The following CAMTA1 variants were observed in gnomAD, a reference collection of about 807,000 sequenced individuals.
CAMTA1 encodes the protein calmodulin binding transcription activator 1, also known as calmodulin-binding transcription activator 1.
A neutral mutation model predicts 170.9 loss-of-function variants in CAMTA1; 27 were observed. The ratio of observed to expected loss-of-function variants is 0.16; its 90% CI spans 0.12 to 0.22. CAMTA1 has a LOEUF of 0.22. Among genes scored for constraint, CAMTA1 ranks in the 10% least tolerant of loss-of-function variants. CAMTA1 has a pLI of 1.00. For missense variants in CAMTA1, 1,619 were observed against 2,217.2 expected (o/e 0.73, Z 5.42); for synonymous variants, 833 against 891.5 (o/e 0.93, Z 1.17).
chr1:7,258,730 TGC>T (rs1171925949), intron 5 of CAMTA1, among the ~76,000 whole-genome samples: 1 of 152,236 alleles, frequency 6.6e-6, no homozygotes, highest in African/African-American at 2.4e-5. Context: ...TGATCCTCTC[TGC>T]ATCTTTCATT....
intron 5 of CAMTA1, among the ~76,000 whole-genome samples, chr1:7,277,036 C>G (rs6669403): frequency 6.6e-6 from 1 of 152,114 alleles, no homozygotes; most frequent in Non-Finnish European, 1.5e-5. Context: ...ACCCTTAAAA[C>G]TATAACACAT....
At position 7,547,759 on chromosome 1, in the gene CAMTA1, TA is replaced by T. The variant is rs771873735; in HGVS notation, c.510+79860del. The stretch of plus-strand genomic sequence containing the variant: ...AGTGTTAGTATATTTATGTGTGGCC[TA>T]AGAGAATTATTCTTCCAACATAATC... On this transcript the variant is annotated intron_variant, in intron 6 of 22. Transcript: ENST00000303635. The surrounding 1 kb of genome is among the most constrained non-coding windows in gnomAD (Gnocchi z 5.7). 6.6e-6 allele frequency among the ~76,000 whole-genome samples: 1 copy of T among 152,030 alleles called. No individual in the cohort carries two copies. The highest frequency in any genetic ancestry group is 1.5e-5 in the Non-Finnish European group (1 of 68,018).
chr1:7,121,139 A>G (rs1405470806), intron 4 of CAMTA1, among the ~76,000 whole-genome samples: 1 of 152,226 alleles, frequency 6.6e-6, no homozygotes, highest in Non-Finnish European at 1.5e-5. Context: ...AGGATCGAAT[A>G]TGGCATGAAG....
chr1:6,809,726 G>A (rs758803374), intron 1 of CAMTA1, among the ~76,000 whole-genome samples: 4 of 152,110 alleles, frequency 2.6e-5, no homozygotes, highest in Non-Finnish European at 5.9e-5. Flanking sequence ...GCCACCAGAG[G>A]GGAGAGAACC....
At chr1:7,280,288 A>G (rs1017130985) in intron 5 of CAMTA1, among the ~76,000 whole-genome samples, 16 of 152,242 alleles carry the variant, frequency 1.1e-4, no homozygotes, top group African/African-American at 3.6e-4. Flanking sequence ...CCACCAGGGA[A>G]GGAACACTGA....
intron 9 of CAMTA1, among the ~76,000 whole-genome samples, chr1:7,667,474 C>T (rs2096011584): frequency 6.6e-6 from 1 of 152,146 alleles, no homozygotes; most frequent in Admixed American, 6.5e-5. Context: ...ACTCCCAGTC[C>T]TAGGACCTGG....
intron 4 of CAMTA1, among the ~76,000 whole-genome samples, chr1:7,112,149 C>T (rs899571989): frequency 7.9e-5 from 12 of 152,026 alleles, no homozygotes; most frequent in African/African-American, 1.9e-4. Context: ...TCCAGTGGCA[C>T]GTGCATTTGT....
intron 3 of CAMTA1, among the ~76,000 whole-genome samples, chr1:7,040,333 G>A (rs537580065): frequency 2.0e-5 from 3 of 152,246 alleles, no homozygotes; most frequent in South Asian, 4.1e-4. Context: ...GTCTAAACAC[G>A]GCATGCGTGT....
chr1:6,890,118 C>A (rs559365372), intron 3 of CAMTA1, among the ~76,000 whole-genome samples: 1 of 152,210 alleles, frequency 6.6e-6, no homozygotes, highest in Non-Finnish European at 1.5e-5. Flanking sequence ...GACCCAGGAG[C>A]CTTCCGGAGG....
In CAMTA1 at chr1:7,426,299, C is replaced by T. The variant is rs2149338628; in HGVS notation, c.439-41531C>T. On this transcript the variant is annotated intron_variant, in intron 5 of 22. Coordinates refer to ENST00000303635, the MANE Select transcript of CAMTA1 (RefSeq NM_015215.4). This position sits in a 1 kb window ranked among gnomAD's most constrained non-coding sequence, Gnocchi z 4.8. Reference sequence around the variant, plus strand: ...CCTCACTAGCATTTCTGTAGCCCCTCAGAGTCCTAGGGTGCCCTGCCTGGT... The same window carrying T: ...CCTCACTAGCATTTCTGTAGCCCCTTAGAGTCCTAGGGTGCCCTGCCTGGT... Among the ~76,000 whole-genome samples the T allele has an allele frequency of 6.6e-6, 1 of 152,218 alleles. No homozygotes were observed. Among genetic ancestry groups the T allele is most frequent in the Middle Eastern group, 3.4e-3 (1 of 294 alleles).
chr1:7,404,555 C>G (rs2090150066), intron 5 of CAMTA1, among the ~76,000 whole-genome samples: 1 of 152,208 alleles, frequency 6.6e-6, no homozygotes, highest in Non-Finnish European at 1.5e-5. Context: ...GTGACACTGT[C>G]TATGTTGTAT....
chr1:7,564,805 A>G (rs956098683), intron 6 of CAMTA1, among the ~76,000 whole-genome samples: 1 of 151,946 alleles, frequency 6.6e-6, no homozygotes, highest in Admixed American at 6.6e-5. Context: ...GGCTGTGAGG[A>G]TTAGAAGGAG....
At chr1:6,968,783 G>A (rs996801640) in intron 3 of CAMTA1, among the ~76,000 whole-genome samples, 11 of 152,098 alleles carry the variant, frequency 7.2e-5, no homozygotes, top group African/African-American at 2.7e-4. Context: ...GGGGGCTTGG[G>A]GGAGGCGGGT....
chr1:7,105,144 G>A (rs1348889903), intron 4 of CAMTA1, among the ~76,000 whole-genome samples: 1 of 152,186 alleles, frequency 6.6e-6, no homozygotes, highest in African/African-American at 2.4e-5. Context: ...ATAATTAATA[G>A]TAAAGTTAAT....
chr1:6,833,085 A>C (rs1394206467), intron 3 of CAMTA1, among the ~76,000 whole-genome samples: 1 of 152,214 alleles, frequency 6.6e-6, no homozygotes, highest in Non-Finnish European at 1.5e-5. Context: ...ATGTCCTCCC[A>C]CACAGGTGAG....
intron 6 of CAMTA1, among the ~76,000 whole-genome samples, chr1:7,533,620 T>C (rs1033067106): frequency 2.0e-5 from 3 of 152,012 alleles, no homozygotes; most frequent in Non-Finnish European, 4.4e-5. Flanking sequence ...GACTAGACAT[T>C]AGAAAACGTC....
chr1:7,553,793 G>A (rs765514), intron 6 of CAMTA1, among the ~76,000 whole-genome samples: 94,660 of 151,738 alleles, frequency 0.62, 30,004 homozygotes, highest in Middle Eastern at 0.73. Flanking sequence ...GAGAAGGGAG[G>A]TCGTGCTCTG....
At chr1:7,649,999 T>C (rs1321637235) in intron 7 of CAMTA1, among the ~76,000 whole-genome samples, 1 of 152,228 alleles carries the variant, frequency 6.6e-6, no homozygotes, top group Non-Finnish European at 1.5e-5. Flanking sequence ...GGCTGCTCTG[T>C]GGACCGAGCC....
At chr1:6,987,937 C>G (rs190724018) in intron 3 of CAMTA1, among the ~76,000 whole-genome samples, 19 of 152,278 alleles carry the variant, frequency 1.2e-4, no homozygotes, top group Admixed American at 1.2e-3. Context: ...CTTTGATCTC[C>G]TCCTGTAACT....
Sources: gnomAD v4.1 joint callset for allele counts (sites outside exome capture counted in the v4.1 genomes callset) on GRCh38, gnomAD v4.1.1 for gene constraint, Gnocchi (gnomAD v3.1) non-coding constraint, MANE v1.5 for transcripts, NCBI Gene and HGNC (gene_info 2026-07-23, HGNC 2026-07-21) for gene names.